ZNF425: variants seen among roughly 807,000 people sequenced by gnomAD.
The protein encoded by ZNF425 is zinc finger protein 425.
ZNF425 carries 21 observed loss-of-function variants against 17.0 expected under a neutral mutation model. The ratio of observed to expected loss-of-function variants is 1.23; its 90% CI spans 0.88 to 1.78. The LOEUF is 1.78. Among genes scored for constraint, ZNF425 ranks in the 40% most tolerant of loss-of-function variants. ZNF425 has a pLI of 0.00. For missense variants in ZNF425, 868 were observed against 967.3 expected, an observed-to-expected ratio of 0.90 and a Z score of 1.36; for synonymous variants, 433 against 384.1, an observed-to-expected ratio of 1.13 and a Z score of -1.49.
intron 1 of ZNF425, among the ~76,000 whole-genome samples, chr7:149,124,497 A>G (rs1463880244): frequency 6.6e-6 from 1 of 151,240 alleles, no homozygotes; most frequent in Non-Finnish European, 1.5e-5. Context: ...AAATTCCTCT[A>G]CAGTTTTATT....
At chr7:149,112,809 G>A (rs1585486124) in intron 2 of ZNF425, among the ~76,000 whole-genome samples, 3 of 151,836 alleles carry the variant, frequency 2.0e-5, no homozygotes, top group African/African-American at 7.2e-5. Context: ...TGGGACTATA[G>A]GCATGCGCCA....
chr7:149,115,975 T>C (rs781343632), intron 2 of ZNF425, among the ~76,000 whole-genome samples: 14 of 152,204 alleles, frequency 9.2e-5, no homozygotes, highest in Non-Finnish European at 1.3e-4. Context: ...TACCATTTGA[T>C]TTTTAAAATT....
chr7:149,120,956 T>C (rs919861215), intron 1 of ZNF425, among the ~76,000 whole-genome samples: 1 of 151,746 alleles, frequency 6.6e-6, no homozygotes, highest in African/African-American at 2.4e-5. Flanking sequence ...GGGGTGGGCA[T>C]GTTTTTATTT....
intron 1 of ZNF425, among the ~76,000 whole-genome samples, chr7:149,121,961 G>T (rs938221409): frequency 6.6e-6 from 1 of 152,012 alleles, no homozygotes; most frequent in Non-Finnish European, 1.5e-5. Flanking sequence ...TGTCACCCAG[G>T]CTGGAGTGCA....
rs1563150511 is a variant in ZNF425, at chr7:149,126,285, AC to A, written c.-73del. ...CTCCGCCCCAACCCAACTCCCAGGTACAGCCCTGCTGGCCCCCAAAGGCAGA... is the reference window on the plus strand; with the variant it reads ...CTCCGCCCCAACCCAACTCCCAGGTAAGCCCTGCTGGCCCCCAAAGGCAGA... On this transcript the variant is annotated 5_prime_UTR_variant, in exon 1 of 4. Transcript: ENST00000378061. 32 of 1,567,498 alleles carry A rather than the reference AC, an allele frequency of 2.0e-5. No homozygotes were observed. Among genetic ancestry groups the A allele is most frequent in the Non-Finnish European group, 2.8e-5 (32 of 1,157,076 alleles).
At chr7:149,125,806 C>A (rs977609736) in intron 1 of ZNF425, 1 of 375,332 alleles carries the variant, frequency 2.7e-6, no homozygotes, top group African/African-American at 2.2e-5. Context: ...TGGGCCGGTT[C>A]CCCCTCCCTG....
In ZNF425 at chr7:149,105,887, G is replaced by A. The variant is rs549608217; in HGVS notation, c.305-321C>T. 4.6e-4 allele frequency among the ~76,000 whole-genome samples: 69 copies of A among 151,044 alleles called. 2 individuals are homozygous for A. The highest frequency in any genetic ancestry group is 1.6e-3 in the African/African-American group (64 of 41,136). On this transcript the variant is annotated intron_variant, in intron 3 of 3. Coordinates refer to ENST00000378061, the MANE Select transcript of ZNF425 (RefSeq NM_001001661.3). ...GGATGACCTCGTGATCCACTGCCTC[G>A]GCCTCCCAAAGTGCTGGGATTACAG...
chr7:149,118,715 T>C (rs1191756750), intron 1 of ZNF425: 2 of 351,916 alleles, frequency 5.7e-6, no homozygotes, highest in East Asian at 8.9e-5. Flanking sequence ...CTCAGGAAGC[T>C]GAGGCAGGAG....
In ZNF425 at chr7:149,104,686, G is replaced by A. The variant is rs1826045598; in HGVS notation, c.1185C>T (p.Phe395=). The A allele has an allele frequency of 6.2e-7, 1 of 1,613,814 alleles. No individual in the cohort carries two copies. Among genetic ancestry groups the A allele is most frequent in the South Asian group, 1.1e-5 (1 of 91,090 alleles). Residue 395 remains phenylalanine (F), a synonymous_variant, in exon 4 of 4, where the codon TTC becomes TTT. Transcript: ENST00000378061. This position sits in a 1 kb window ranked among gnomAD's most constrained non-coding sequence, Gnocchi z 4.3. ...GCTCGTCCAGCTTAATCTTGTAGAT[G>A]AATTTCCTGCCACATTCACCACAAG... is the stretch of plus-strand genomic sequence containing the variant. ...PFSCGECGRK[F]IYKIKLDEHI...
rs957351203 is a variant in ZNF425, at chr7:149,126,285, A to T, written c.-72T>A. The T allele has an allele frequency of 2.0e-4, 314 of 1,567,496 alleles. 1 individual carries two copies. The highest frequency in any genetic ancestry group is 1.3e-4 in the Admixed American group (7 of 53,380). On this transcript the variant is annotated 5_prime_UTR_variant, in exon 1 of 4. Coordinates refer to ENST00000378061, the MANE Select transcript of ZNF425 (RefSeq NM_001001661.3). ...CTCCGCCCCAACCCAACTCCCAGGTACAGCCCTGCTGGCCCCCAAAGGCAG... is the reference window on the plus strand; with the variant it reads ...CTCCGCCCCAACCCAACTCCCAGGTTCAGCCCTGCTGGCCCCCAAAGGCAG...
At chr7:149,110,349 T>G (rs1200870773) in intron 3 of ZNF425, among the ~76,000 whole-genome samples, 5 of 150,874 alleles carry the variant, frequency 3.3e-5, no homozygotes, top group Non-Finnish European at 7.4e-5. Context: ...GTGGATCACC[T>G]GAGGTCAGGA....
Position 149,126,176 on chromosome 7 carries a change from C to T in ZNF425, c.18+20G>A, listed in dbSNP as rs1488762799. 4 of 1,613,190 alleles carry T rather than the reference C, an allele frequency of 2.5e-6. No homozygotes were observed. Among genetic ancestry groups the T allele is most frequent in the Admixed American group, 1.7e-5 (1 of 59,960 alleles). ...ACCCGAGTTTCGACAGAGCCTGCAT[C>T]CTCCACCGGCCCTTCTTACCGAAGC... On this transcript the variant is annotated intron_variant, in intron 1 of 3. Coordinates refer to ENST00000378061, the MANE Select transcript of ZNF425 (RefSeq NM_001001661.3).
chr7:149,121,079 CTTTTTTTTTTTTTT>C (rs75534831), intron 1 of ZNF425, among the ~76,000 whole-genome samples: 42,271 of 62,598 alleles, frequency 0.68, 15,599 homozygotes, highest in East Asian at 0.97. Flanking sequence ...TTTTACATTC[CTTTTTTTTTTTTTT>C]TTTTTTTTTT....
At position 149,126,280 on chromosome 7, in the gene ZNF425, C is replaced by T; in HGVS notation, c.-67G>A. 1 of 1,574,826 alleles carries T rather than the reference C, an allele frequency of 6.3e-7. No homozygotes were observed. The highest frequency in any genetic ancestry group is 1.8e-5 in the Admixed American group (1 of 54,340). ...CTCCGCTCCGCCCCAACCCAACTCC[C>T]AGGTACAGCCCTGCTGGCCCCCAAA... is the stretch of plus-strand genomic sequence containing the variant. On this transcript the variant is annotated 5_prime_UTR_variant, in exon 1 of 4. Transcript: ENST00000378061.
intron 2 of ZNF425, 120 bp from the exon 3 acceptor site, chr7:149,112,415 CTT>C: frequency 1.2e-6 from 1 of 806,076 alleles, no homozygotes. Flanking sequence ...AGGCAGATCT[CTT>C]GAGGTCAGGA....
In ZNF425 at chr7:149,105,223, C is replaced by T. The variant is rs752628159; in HGVS notation, c.648G>A (p.Gln216=). Residue 216 remains glutamine, a synonymous_variant, in exon 4 of 4, where the codon CAG becomes CAA. Transcript: ENST00000378061. The stretch of plus-strand genomic sequence containing the variant: ...TTTTGTACTTTGGGTATCTGCAGAG[C>T]TGGCTCTTGGAGTGGCTCCGTTTGT... ...LKHKRSHSKS[Q]LCRYPKYKNS... is the part of the protein sequence containing the mutation. The T allele has an allele frequency of 1.2e-6, 2 of 1,614,224 alleles. No individual in the cohort carries two copies. The highest frequency in any genetic ancestry group is 3.3e-5 in the Admixed American group (2 of 60,014).
At chr7:149,125,951 T>C in intron 1 of ZNF425, 1 of 719,612 alleles carries the variant, frequency 1.4e-6, no homozygotes, top group Non-Finnish European at 2.3e-6. Flanking sequence ...GCCTTCCGAG[T>C]GGCCGGGGCC....
At chr7:149,110,857 C>A (rs1563146321) in intron 3 of ZNF425, among the ~76,000 whole-genome samples, 3 of 145,302 alleles carry the variant, frequency 2.1e-5, no homozygotes, top group Non-Finnish European at 3.0e-5. Context: ...TGCAGTGGTG[C>A]AATCTCGGCT....
chr7:149,108,624 T>C (rs1826120970), intron 3 of ZNF425, among the ~76,000 whole-genome samples: 2 of 152,188 alleles, frequency 1.3e-5, no homozygotes, highest in Non-Finnish European at 2.9e-5. Flanking sequence ...CTGGGTGTGG[T>C]GGCTCACGCC....
Sources: allele counts gnomAD v4.1 joint callset (sites outside exome capture counted in the v4.1 genomes callset), GRCh38; gene constraint gnomAD v4.1.1; non-coding constraint Gnocchi (gnomAD v3.1); transcripts MANE v1.5; gene names NCBI Gene and HGNC (gene_info 2026-07-23, HGNC 2026-07-21).